Variants in MTAP observed in about 807,000 individuals in gnomAD.
MTAP encodes the protein methylthioadenosine phosphorylase.
Under a neutral mutation model 33.6 loss-of-function variants are expected in MTAP, and 33 were observed. The observed-to-expected ratio is 0.98, with a 90% CI of 0.74 to 1.31. The LOEUF is 1.31. Ranked by LOEUF, MTAP falls within the 40% of genes most tolerant of loss-of-function variation. The pLI is 0.00. For missense variants in MTAP, 367 were observed against 360.0 expected, an observed-to-expected ratio of 1.02 and a Z score of -0.16; for synonymous variants, 148 against 125.7, an observed-to-expected ratio of 1.18 and a Z score of -1.19.
At chr9:21,885,158 G>C (rs1451315299) in intron 1 of MTAP, among the ~76,000 whole-genome samples, 1 of 151,940 alleles carries the variant, frequency 6.6e-6, no homozygotes, top group Non-Finnish European at 1.5e-5. Flanking sequence ...CTTTTAAGAA[G>C]AAAAACAGTT....
At chr9:21,823,715 T>C (rs145638277) in intron 4 of MTAP, among the ~76,000 whole-genome samples, 1,877 of 152,356 alleles carry the variant, frequency 0.012, 31 homozygotes, top group African/African-American at 0.043. Flanking sequence ...GTTTTCCAAC[T>C]TGGTTCCATT....
intron 1 of MTAP, among the ~76,000 whole-genome samples, chr9:21,880,420 G>A (rs2118694080): frequency 6.6e-6 from 1 of 152,046 alleles, no homozygotes; most frequent in South Asian, 2.1e-4. Flanking sequence ...GCAGGAAAAA[G>A]AAATAAAAGC....
chr9:21,844,461 G>A (rs745614514), intron 5 of MTAP, among the ~76,000 whole-genome samples: 11 of 152,202 alleles, frequency 7.2e-5, no homozygotes, highest in East Asian at 3.9e-4. Context: ...CCTGATGTAC[G>A]TAGATGCAAA....
Position 21,891,628 on chromosome 9 carries a change from A to G in MTAP, c.147+36758A>G, listed in dbSNP as rs541186662. Among the ~76,000 whole-genome samples the G allele has an allele frequency of 3.3e-5, 5 of 152,304 alleles. 1 individual carries two copies. The South Asian group carries it at 1.0e-3, about 32-fold the overall frequency. On this transcript the variant is annotated intron_variant, in intron 1 of 1. Transcript: ENST00000577563. ...CCTCCAAGAAATGTGGGGTTATATA[A>G]AGGGACCAAACCTATGAATGACTGA...
intron 1 of MTAP, among the ~76,000 whole-genome samples, chr9:21,911,130 G>A (rs1360390436): frequency 1.3e-5 from 2 of 152,118 alleles, no homozygotes; most frequent in East Asian, 3.9e-4. Flanking sequence ...GATTCATAAA[G>A]CAAGTCCTTA....
chr9:21,930,850 C>G (rs1302665512), intron 1 of MTAP: 1 of 657,420 alleles, frequency 1.5e-6, no homozygotes, highest in Non-Finnish European at 2.7e-6. Context: ...CAAGAACAAG[C>G]CTCTCGTGGT....
At chr9:21,935,403 TAGC>T (rs1819025561), downstream of MTAP, 1 of 151,276 alleles carries the variant, frequency 6.6e-6, no homozygotes, top group African/African-American at 2.5e-5. Flanking sequence ...AAACTCCAAT[TAGC>T]AGCAGTTACA....
At chr9:21,900,446 C>T (rs1347766834) in intron 1 of MTAP, among the ~76,000 whole-genome samples, 1 of 152,094 alleles carries the variant, frequency 6.6e-6, no homozygotes, top group Non-Finnish European at 1.5e-5. Context: ...TAAACAAATA[C>T]AAATCAAAGC....
chr9:21,914,427 T>C lies in MTAP; in HGVS notation c.148-16581T>C, dbSNP rs148824639. On this transcript the variant is annotated intron_variant, in intron 1 of 1. Transcript: ENST00000577563. ...CCTGATAAAGAAAATGTTGTACATA[T>C]ACACCATGGAATACTATGCAGCCAT... is the stretch of plus-strand genomic sequence containing the variant. Among the ~76,000 whole-genome samples, 1,086 of 152,230 alleles carry C rather than the reference T, an allele frequency of 7.1e-3. 7 individuals are homozygous for C. Among genetic ancestry groups the C allele is most frequent in the African/African-American group, 0.025 (1,028 of 41,530 alleles).
rs369342496 is a variant in MTAP, at chr9:21,915,084, C to CTTTCTTTCTTTCTTT, written c.148-15924_148-15923insTTTCTTTCTTTCTTT. Among the ~76,000 whole-genome samples, 42 of 72,414 alleles carry CTTTCTTTCTTTCTTT rather than the reference C, an allele frequency of 5.8e-4. 2 individuals carry two copies. The highest frequency in any genetic ancestry group is 4.1e-3 in the African/African-American group (39 of 9,510). 47.5% of individuals were successfully genotyped at this position (72,414 alleles called of 152,430 possible). A position where few individuals can be genotyped will look rare whatever the true frequency, so the allele number is the denominator to read the frequency against. On this transcript the variant is annotated intron_variant, in intron 1 of 1. Coordinates refer to the MTAP transcript ENST00000577563. Reference sequence around the variant, plus strand: ...TCTTTCTTTCTTTCTTTCTTTCTTTCCTTTCTTTCTTTTCTTTCGGCAGAG... The same window carrying CTTTCTTTCTTTCTTT: ...TCTTTCTTTCTTTCTTTCTTTCTTTCTTTCTTTCTTTCTTTCTTTCTTTCTTTTCTTTCGGCAGAG...
intron 1 of MTAP, chr9:21,930,256 T>G (rs1271643502): frequency 4.3e-6 from 1 of 231,800 alleles, no homozygotes; most frequent in African/African-American, 2.3e-5. Flanking sequence ...ACCAGCTACC[T>G]GGGTGTGTTG....
At chr9:21,939,008 C>G (rs914049643), downstream of MTAP, among the ~76,000 whole-genome samples, 4 of 152,172 alleles carry the variant, frequency 2.6e-5, no homozygotes, top group African/African-American at 9.7e-5. Context: ...TCCCAGAATT[C>G]CCACATGTTG....
intron 1 of MTAP, chr9:21,811,595 C>A: frequency 2.1e-6 from 1 of 466,796 alleles, no homozygotes; most frequent in South Asian, 1.6e-5. Context: ...CACTTCCACC[C>A]TTTACACAGT....
At chr9:21,925,249 A>G (rs548785541) in intron 1 of MTAP, among the ~76,000 whole-genome samples, 1 of 152,326 alleles carries the variant, frequency 6.6e-6, no homozygotes, top group East Asian at 1.9e-4. Flanking sequence ...TAGAGAGGCT[A>G]CAAGAGGCCC....
intron 1 of MTAP, among the ~76,000 whole-genome samples, chr9:21,881,861 A>G (rs960776955): frequency 1.3e-5 from 2 of 152,034 alleles, no homozygotes; most frequent in African/African-American, 2.4e-5. Context: ...TGATTCAGCA[A>G]TCACATCTTT....
intron 5 of MTAP, among the ~76,000 whole-genome samples, chr9:21,846,417 G>GAA (rs66759160): frequency 7.4e-6 from 1 of 135,196 alleles, no homozygotes; most frequent in Non-Finnish European, 1.7e-5. Context: ...AAATCAGCAA[G>GAA]AAAAAAAAAA....
chr9:21,828,085 C>A (rs900161681), intron 4 of MTAP, among the ~76,000 whole-genome samples: 2 of 152,188 alleles, frequency 1.3e-5, no homozygotes, highest in Non-Finnish European at 2.9e-5. Context: ...GCAGTTGGGT[C>A]AGAAGATGGA....
At chr9:21,885,556 C>A (rs958560624) in intron 1 of MTAP, among the ~76,000 whole-genome samples, 2 of 152,048 alleles carry the variant, frequency 1.3e-5, no homozygotes, top group African/African-American at 4.8e-5. Context: ...AATATCTAGT[C>A]TTTTATCCCT....
intron 3 of MTAP, among the ~76,000 whole-genome samples, chr9:21,817,498 T>A (rs1824512414): frequency 6.6e-6 from 1 of 151,942 alleles, no homozygotes; most frequent in South Asian, 2.1e-4. Flanking sequence ...TCCCTAGAAG[T>A]TACAGGGCGG....
Sources: gnomAD v4.1 joint callset for allele counts (sites outside exome capture counted in the v4.1 genomes callset) on GRCh38, gnomAD v4.1.1 for gene constraint, MANE v1.5 for transcripts, NCBI Gene and HGNC (gene_info 2026-07-23, HGNC 2026-07-21) for gene names.